ZFHX3: variants seen among roughly 807,000 people sequenced by gnomAD.
ZFHX3 encodes zinc finger homeobox protein 3.
In ZFHX3, 42 loss-of-function variants were observed where a neutral mutation model predicts 279.1. The observed-to-expected ratio is 0.15, with a 90% CI of 0.12 to 0.19. The LOEUF is 0.19. Ranked by LOEUF, ZFHX3 falls within the 10% of genes least tolerant of loss-of-function variation. The pLI, the probability that ZFHX3 is intolerant of heterozygous loss-of-function variation, is 1.00. For synonymous variants in ZFHX3, 2,293 were observed against 1,957.8 expected, an observed-to-expected ratio of 1.17 and a Z score of -4.52; for missense variants, 4,981 against 4,754.0, an observed-to-expected ratio of 1.05 and a Z score of -1.40.
intron 3 of ZFHX3, among the ~76,000 whole-genome samples, chr16:72,937,313 T>C (rs1279336311): frequency 6.6e-6 from 1 of 152,110 alleles, no homozygotes; most frequent in Non-Finnish European, 1.5e-5. Flanking sequence ...GGGACAAGCC[T>C]GGGGGCATAA....
intron 8 of ZFHX3, among the ~76,000 whole-genome samples, chr16:73,075,272 C>G (rs1597148565): frequency 6.6e-6 from 1 of 151,856 alleles, no homozygotes; most frequent in East Asian, 1.9e-4. Context: ...CATGATCACA[C>G]CACTGCATTA....
At chr16:73,447,158 G>C (rs886992348) in intron 3 of ZFHX3, among the ~76,000 whole-genome samples, 93 of 145,770 alleles carry the variant, frequency 6.4e-4, no homozygotes, top group African/African-American at 2.3e-3. Context: ...TCCAGCCTGG[G>C]CAACAGAGCA....
At chr16:73,436,868 A>G (rs980569487) in intron 3 of ZFHX3, among the ~76,000 whole-genome samples, 66 of 152,300 alleles carry the variant, frequency 4.3e-4, no homozygotes, top group African/African-American at 1.6e-3. Flanking sequence ...TGGATGAGGC[A>G]TAGAGCTTCC....
At chr16:73,001,938 C>T (rs1368389326) in intron 1 of ZFHX3, among the ~76,000 whole-genome samples, 4 of 152,132 alleles carry the variant, frequency 2.6e-5, no homozygotes, top group African/African-American at 9.7e-5. Context: ...GTGGCATTAC[C>T]TATCAAGCCC....
chr16:73,734,258 AG>A (rs2053591697), intron 1 of ZFHX3, among the ~76,000 whole-genome samples: 1 of 152,290 alleles, frequency 6.6e-6, no homozygotes, highest in African/African-American at 2.4e-5. Flanking sequence ...GCCCAGGGTT[AG>A]GGGATGGACT....
rs918488883 is a variant in ZFHX3 at position 72,788,056 on chromosome 16, G to C, written c.10220C>G (p.Ala3407Gly). ...GGCAGGGTCTTTGTCTGGGGAAGGA[G>C]CCCCGGGGGGGACTGGGGTTTGGCT... ...KASQTPVPPGAPSPDKDPAKE... is the reference protein window; with the variant it reads ...KASQTPVPPGGPSPDKDPAKE... The change falls in exon 10 of 10, where the codon GCT becomes GGT. Residue 3407 changes from alanine to glycine, a missense_variant. Coordinates refer to ENST00000268489, the MANE Select transcript of ZFHX3 (RefSeq NM_006885.4). The C allele has an allele frequency of 6.2e-7, 1 of 1,611,944 alleles. No homozygotes were observed. The highest frequency in any genetic ancestry group is 8.5e-7 in the Non-Finnish European group (1 of 1,179,838).
At chr16:73,862,383 G>A (rs1167256061) in intron 1 of ZFHX3, among the ~76,000 whole-genome samples, 1 of 152,184 alleles carries the variant, frequency 6.6e-6, no homozygotes, top group African/African-American at 2.4e-5. Context: ...TTGGTTACAT[G>A]CTTGACACAT....
At chr16:72,929,253 AAAAAG>A (rs1488377930) in intron 3 of ZFHX3, among the ~76,000 whole-genome samples, 3 of 152,022 alleles carry the variant, frequency 2.0e-5, no homozygotes, top group East Asian at 3.9e-4. Context: ...AAAAAAAAAA[AAAAAG>A]AGTGAGGTAA....
At chr16:73,391,281 G>A (rs967546468) in intron 3 of ZFHX3, among the ~76,000 whole-genome samples, 1 of 152,042 alleles carries the variant, frequency 6.6e-6, no homozygotes, top group African/African-American at 2.4e-5. Flanking sequence ...TGGCCAACAT[G>A]GTGAAACCCC....
At chr16:73,542,725 A>T (rs556976862) in intron 2 of ZFHX3, among the ~76,000 whole-genome samples, 1 of 152,162 alleles carries the variant, frequency 6.6e-6, no homozygotes, top group South Asian at 2.1e-4. Flanking sequence ...ACAATGCACA[A>T]TTTTTTTAGG....
intron 2 of ZFHX3, among the ~76,000 whole-genome samples, chr16:73,624,965 T>C (rs1000160458): frequency 2.0e-5 from 3 of 152,220 alleles, no homozygotes; most frequent in Admixed American, 1.3e-4. Context: ...TTGCTGATGG[T>C]CCCATTTTCA....
chr16:73,032,018 G>T (rs1242646292), intron 1 of ZFHX3, among the ~76,000 whole-genome samples: 1 of 152,198 alleles, frequency 6.6e-6, no homozygotes, highest in Non-Finnish European at 1.5e-5. Context: ...TCCTACTCTA[G>T]TAGGGAGAAA....
intron 1 of ZFHX3, among the ~76,000 whole-genome samples, chr16:73,883,102 G>C (rs2030226628): frequency 6.6e-6 from 1 of 151,388 alleles, no homozygotes; most frequent in South Asian, 2.1e-4. Context: ...TGGGATATTT[G>C]TGGTTTTTTG....
intron 5 of ZFHX3, among the ~76,000 whole-genome samples, chr16:73,160,122 G>A (rs1313598450): frequency 6.6e-6 from 1 of 152,178 alleles, no homozygotes. Flanking sequence ...GATATGTGAT[G>A]ATTAGCTGTT....
chr16:73,671,815 A>G (rs1252473273), intron 2 of ZFHX3, among the ~76,000 whole-genome samples: 2 of 152,218 alleles, frequency 1.3e-5, no homozygotes, highest in East Asian at 1.9e-4. Flanking sequence ...CAACTGTGGC[A>G]TTTAGTTTTA....
chr16:72,969,534 C>T (rs79842573), intron 1 of ZFHX3, among the ~76,000 whole-genome samples: 23,712 of 151,786 alleles, frequency 0.16, 2,357 homozygotes, highest in Non-Finnish European at 0.23. Flanking sequence ...ACTCCAGCAG[C>T]CCCCAGAGTG....
At chr16:73,355,677 A>G (rs2016327786) in intron 3 of ZFHX3, among the ~76,000 whole-genome samples, 1 of 152,218 alleles carries the variant, frequency 6.6e-6, no homozygotes, top group African/African-American at 2.4e-5. Flanking sequence ...AGGACCTTGG[A>G]GTCAGGCAGA....
intron 1 of ZFHX3, among the ~76,000 whole-genome samples, chr16:73,843,974 T>C (rs1961380822): frequency 6.6e-6 from 1 of 152,220 alleles, no homozygotes; most frequent in South Asian, 2.1e-4. Flanking sequence ...GATTTAAAAA[T>C]GTAGAAATCA....
In ZFHX3 at chr16:72,784,355, T is replaced by C. The variant is rs2035259849; in HGVS notation, c.*2809A>G. On this transcript the variant is annotated 3_prime_UTR_variant, in exon 10 of 10. Transcript: ENST00000268489. ...AAAGTTGAGGGGGGAGGGAAAAGGA[T>C]AGAAATTGCACTATTACCAAGCAAT... 1 of 152,290 alleles carries C rather than the reference T, an allele frequency of 6.6e-6. No individual in the cohort carries two copies. Among genetic ancestry groups the C allele is most frequent in the East Asian group, 1.9e-4 (1 of 5,194 alleles). 9.4% of individuals were successfully genotyped at this position (152,290 alleles called of 1,614,324 possible).
Sources: gnomAD v4.1 joint callset for allele counts (sites outside exome capture counted in the v4.1 genomes callset) on GRCh38, gnomAD v4.1.1 for gene constraint, MANE v1.5 for transcripts, NCBI Gene and HGNC (gene_info 2026-07-23, HGNC 2026-07-21) for gene names.